ALMS1: variants seen among roughly 807,000 people sequenced by gnomAD.
ALMS1 encodes centrosome-associated protein ALMS1.
Under a neutral mutation model 352.2 loss-of-function variants are expected in ALMS1, and 271 were observed. The ratio of observed to expected loss-of-function variants is 0.77; its 90% CI spans 0.70 to 0.85. The LOEUF (loss-of-function observed/expected upper bound fraction) is 0.85. Ranked by LOEUF, ALMS1 falls within the 40% of genes least tolerant of loss-of-function variation. ALMS1 has a pLI of 0.00. For missense variants in ALMS1, 5,445 were observed against 4,870.7 expected (o/e 1.12, Z -3.51); for synonymous variants, 1,865 against 1,761.2 (o/e 1.06, Z -1.48).
intron 16 of ALMS1, among the ~76,000 whole-genome samples, chr2:73,574,859 A>G (rs1009469853): frequency 2.6e-5 from 4 of 152,138 alleles, no homozygotes; most frequent in Non-Finnish European, 5.9e-5. Context: ...CATCACCACT[A>G]TCTATTTCCA....
At position 73,490,571 on chromosome 2, in the gene ALMS1, C is replaced by G. The variant is rs779376312; in HGVS notation, c.8612C>G (p.Thr2871Ser). The change falls in exon 10 of 23, where the codon ACT becomes AGT. Residue 2871 changes from threonine (T) to serine (S), a missense_variant. By Grantham distance (58) the Thr-to-Ser change is moderately conservative. Coordinates refer to ENST00000613296, the MANE Select transcript of ALMS1 (RefSeq NM_001378454.1). ...SRLGVKEKNV[T>S]ITPDLPSCIF... The stretch of plus-strand genomic sequence containing the variant: ...CTAGGAGTAAAAGAGAAGAATGTAA[C>G]TATAACTCCAGATCTTCCTTCTTGC... The G allele has an allele frequency of 1.2e-6, 2 of 1,614,046 alleles. No individual in the cohort carries two copies. The highest frequency in any genetic ancestry group is 1.7e-6 in the Non-Finnish European group (2 of 1,180,032).
At chr2:73,474,407 G>GTC (rs1553407476) in intron 9 of ALMS1, among the ~76,000 whole-genome samples, 3 of 37,556 alleles carry the variant, frequency 8.0e-5, no homozygotes, top group South Asian at 1.2e-3. Context: ...GTGTGTGTGT[G>GTC]TGTCTATTGG....
intron 1 of ALMS1, among the ~76,000 whole-genome samples, chr2:73,404,330 G>T (rs1034172590): frequency 4.6e-5 from 7 of 152,140 alleles, no homozygotes; most frequent in Admixed American, 3.3e-4. Flanking sequence ...GAGTAGAAGG[G>T]TGAGAGCAAG....
chr2:73,408,174 T>C (rs1467517360), intron 1 of ALMS1, among the ~76,000 whole-genome samples: 1 of 152,216 alleles, frequency 6.6e-6, no homozygotes, highest in African/African-American at 2.4e-5. Context: ...TTTGTGTTCC[T>C]TCAGCCTTTG....
chr2:73,386,505 G>A (rs1670537999), intron 1 of ALMS1, among the ~76,000 whole-genome samples: 1 of 152,182 alleles, frequency 6.6e-6, no homozygotes, highest in South Asian at 2.1e-4. Flanking sequence ...AGCCTTGAAG[G>A]AGGGAAAAGG....
intron 13 of ALMS1, among the ~76,000 whole-genome samples, chr2:73,555,940 C>G (rs1420856773): frequency 6.6e-6 from 1 of 152,026 alleles, no homozygotes; most frequent in Non-Finnish European, 1.5e-5. Flanking sequence ...AAGAAACTTG[C>G]AAAACAATGC....
In ALMS1 at chr2:73,491,097, T is replaced by C. The variant is rs779818117; in HGVS notation, c.9138T>C (p.Cys3046=). ...CTTCAAATAGAAAAGCACTTTCTTG[T>C]GTTCATATAACTCTTTGTCCCAAGA... ...TPPSNRKALS[C]VHITLCPKTS... is the part of the protein sequence containing the mutation. Residue 3046 remains cysteine (C), a synonymous_variant, in exon 10 of 23, where the codon TGT becomes TGC. Coordinates refer to ENST00000613296, the MANE Select transcript of ALMS1 (RefSeq NM_001378454.1). The C allele has an allele frequency of 1.9e-6, 3 of 1,614,102 alleles. No individual in the cohort carries two copies. The highest frequency in any genetic ancestry group is 2.5e-6 in the Non-Finnish European group (3 of 1,180,028).
intron 16 of ALMS1, among the ~76,000 whole-genome samples, chr2:73,585,181 T>C (rs568895088): frequency 6.6e-6 from 1 of 152,346 alleles, no homozygotes. Flanking sequence ...GTTCTACTTT[T>C]AGTTCTTTAA....
intron 11 of ALMS1, among the ~76,000 whole-genome samples, chr2:73,522,615 C>T (rs775971012): frequency 4.0e-5 from 6 of 151,786 alleles, no homozygotes; most frequent in African/African-American, 7.3e-5. Context: ...ACTACAGGCG[C>T]GCACCACCAC....
chr2:73,571,440 C>G (rs1674924352), intron 15 of ALMS1, among the ~76,000 whole-genome samples: 1 of 152,132 alleles, frequency 6.6e-6, no homozygotes, highest in South Asian at 2.1e-4. Context: ...CCAGTCTCTG[C>G]TTCCAAAATG....
intron 3 of ALMS1, among the ~76,000 whole-genome samples, chr2:73,422,354 T>G (rs1300084385): frequency 2.0e-5 from 3 of 152,154 alleles, no homozygotes; most frequent in African/African-American, 7.2e-5. Flanking sequence ...ATCTTAATAT[T>G]ATTTTGAATA....
At chr2:73,550,220 C>T in intron 12 of ALMS1, 47 bp from the exon 13 acceptor site, 2 of 1,607,208 alleles carry the variant, frequency 1.2e-6, no homozygotes, top group South Asian at 1.1e-5. Flanking sequence ...CTTTCTCAAT[C>T]TCATGTCGCT....
Position 73,449,435 on chromosome 2 carries a change from C to T in ALMS1, c.2908C>T (p.Pro970Ser). 1 of 1,614,012 alleles carries T rather than the reference C, an allele frequency of 6.2e-7. No individual in the cohort carries two copies. Among genetic ancestry groups the T allele is most frequent in the Non-Finnish European group, 8.5e-7 (1 of 1,179,968 alleles). Residue 970 changes from proline (P) to serine (S), a missense_variant, in exon 8 of 23, where the codon CCA becomes TCA. By Grantham distance (74) the Pro-to-Ser change is moderately conservative. Transcript: ENST00000613296. The stretch of plus-strand genomic sequence containing the variant: ...TAGTGTTTTCTACCAGCAAGAGTTG[C>T]CAGACAGTGATCTACCTAGAGAATC... ...KSSVFYQQEL[P>S]DSDLPRESLK...
intron 20 of ALMS1, 84 bp downstream of exon 20, chr2:73,602,452 A>T (rs1675720291): frequency 4.6e-6 from 7 of 1,524,954 alleles, no homozygotes; most frequent in African/African-American, 1.4e-5. Flanking sequence ...GCTAAAGGCC[A>T]GCCCAGGCCA....
intron 9 of ALMS1, among the ~76,000 whole-genome samples, chr2:73,478,694 A>G (rs1013970788): frequency 1.3e-5 from 2 of 151,066 alleles, no homozygotes; most frequent in Non-Finnish European, 3.0e-5. Context: ...ATTTTACTTT[A>G]AGTTCCAGGA....
chr2:73,572,158 C>T (rs1674942054), intron 15 of ALMS1, 104 bp from the exon 16 acceptor site: 1 of 1,009,224 alleles, frequency 9.9e-7, no homozygotes, highest in Non-Finnish European at 1.4e-6. Context: ...ATAAACTATT[C>T]TTTCCTTTAG....
rs1369555064 is a variant in ALMS1, at chr2:73,453,041, C to T, written c.6514C>T (p.Leu2172Phe). Reference protein sequence around the residue: ...TEDALKISSALGQADQITGLQ... With the variant: ...TEDALKISSAFGQADQITGLQ... ...AGATGCTCTAAAGATCTCAAGTGCT[C>T]TTGGGCAAGCTGATCAAATTACCGG... is the stretch of plus-strand genomic sequence containing the variant. Residue 2172 changes from leucine to phenylalanine, a missense_variant, in exon 8 of 23, where the codon CTT (leucine) becomes TTT (phenylalanine). Coordinates refer to ENST00000613296, the MANE Select transcript of ALMS1 (RefSeq NM_001378454.1). 3 of 1,613,620 alleles carry T rather than the reference C, an allele frequency of 1.9e-6. No individual in the cohort carries two copies. The highest frequency in any genetic ancestry group is 1.3e-5 in the African/African-American group (1 of 74,916).
intron 14 of ALMS1, 83 bp downstream of exon 14, chr2:73,557,437 A>C (rs1018312933): frequency 5.6e-5 from 88 of 1,562,934 alleles, no homozygotes; most frequent in Non-Finnish European, 6.8e-5. Context: ...AAACAGAAAT[A>C]TATTCTCTAT....
intron 16 of ALMS1, among the ~76,000 whole-genome samples, chr2:73,585,210 T>C (rs1361420005): frequency 6.6e-6 from 1 of 152,190 alleles, no homozygotes; most frequent in African/African-American, 2.4e-5. Flanking sequence ...CATACTGTTT[T>C]GCATAATGGT....
Sources: gnomAD v4.1 joint callset for allele counts (sites outside exome capture counted in the v4.1 genomes callset) on GRCh38, gnomAD v4.1.1 for gene constraint, MANE v1.5 for transcripts, NCBI Gene and HGNC (gene_info 2026-07-23, HGNC 2026-07-21) for gene names.